CHD9: variants seen among roughly 807,000 people sequenced by gnomAD.
The protein encoded by CHD9 is chromodomain helicase DNA binding protein 9.
A neutral mutation model predicts 316.1 loss-of-function variants in CHD9; 77 were observed. That is an observed-to-expected ratio of 0.24 (90% CI 0.20 to 0.29). The LOEUF (loss-of-function observed/expected upper bound fraction) is 0.29, where lower values mean the gene tolerates loss of function less well. Among genes scored for constraint, CHD9 ranks in the 10% least tolerant of loss-of-function variants. The probability of loss-of-function intolerance (pLI) is 1.00; values close to 1 mark genes in which losing one functional copy is unlikely to be tolerated. For missense variants in CHD9, 2,763 were observed against 3,438.1 expected (o/e 0.80, Z 4.91); for synonymous variants, 1,129 against 1,158.3 (o/e 0.97, Z 0.51).
chr16:53,119,200 A>G (rs1454756488), intron 1 of CHD9, among the ~76,000 whole-genome samples: 2 of 152,202 alleles, frequency 1.3e-5, no homozygotes, highest in African/African-American at 4.8e-5. Context: ...ATGGTATCAC[A>G]TATGTCCAAA....
chr16:53,107,634 A>G (rs1475225590), intron 1 of CHD9, among the ~76,000 whole-genome samples: 1 of 151,800 alleles, frequency 6.6e-6, no homozygotes, highest in Non-Finnish European at 1.5e-5. Context: ...GTGAGCCATG[A>G]TGGCACCACT....
rs780734488 is a variant in CHD9, at chr16:53,307,791, C to T, written c.6891C>T (p.Thr2297=). The T allele has an allele frequency of 6.8e-6, 11 of 1,613,242 alleles. No homozygotes were observed. Among genetic ancestry groups the T allele is most frequent in the Admixed American group, 1.7e-5 (1 of 59,904 alleles). ...YDANTVASFY[T]TKLLDSPGAA... ...CTAACACAGTGGCTTCTTTCTATACCACAAAACTGCTGGACAGCCCTGGAG... is the reference window on the plus strand; with the variant it reads ...CTAACACAGTGGCTTCTTTCTATACTACAAAACTGCTGGACAGCCCTGGAG... Residue 2297 remains threonine (T), a synonymous_variant, in exon 33 of 39, where the codon ACC becomes ACT. Transcript: ENST00000447540.
At chr16:53,306,796 T>G (rs1439049134) in intron 32 of CHD9, among the ~76,000 whole-genome samples, 1 of 151,722 alleles carries the variant, frequency 6.6e-6, no homozygotes, top group African/African-American at 2.4e-5. Flanking sequence ...TTTTCTTCCT[T>G]TTTTTTTGAG....
intron 24 of CHD9, among the ~76,000 whole-genome samples, chr16:53,279,104 C>G (rs2053158092): frequency 6.6e-6 from 1 of 152,124 alleles, no homozygotes; most frequent in African/African-American, 2.4e-5. Flanking sequence ...GACTTGGAAC[C>G]AACCCAAATG....
chr16:53,294,721 G>C (rs1293519395), intron 29 of CHD9, among the ~76,000 whole-genome samples: 3 of 152,192 alleles, frequency 2.0e-5, no homozygotes, highest in African/African-American at 7.2e-5. Context: ...AAGCCACAAG[G>C]CCAGCCCAGA....
chr16:53,063,762 A>G (rs1000306682), intron 1 of CHD9, among the ~76,000 whole-genome samples: 1 of 146,880 alleles, frequency 6.8e-6, no homozygotes, highest in African/African-American at 2.6e-5. Context: ...CAATCTCCTG[A>G]CCTCGTGACC....
intron 2 of CHD9, among the ~76,000 whole-genome samples, chr16:53,169,602 C>A (rs916051466): frequency 4.6e-5 from 7 of 152,050 alleles, no homozygotes; most frequent in African/African-American, 1.7e-4. Flanking sequence ...GCCACATTTG[C>A]TTTCTCTTAC....
At chr16:53,163,381 T>C (rs530163729) in intron 2 of CHD9, among the ~76,000 whole-genome samples, 151 of 152,270 alleles carry the variant, frequency 9.9e-4, no homozygotes, top group African/African-American at 3.5e-3. Flanking sequence ...CGGCTAATTT[T>C]GTATTTTTAG....
intron 8 of CHD9, among the ~76,000 whole-genome samples, chr16:53,230,583 G>C (rs748735724): frequency 6.6e-6 from 1 of 152,122 alleles, no homozygotes; most frequent in African/African-American, 2.4e-5. Context: ...GAAGATTTTA[G>C]AATTAAGTAA....
intron 2 of CHD9, among the ~76,000 whole-genome samples, chr16:53,197,513 T>C (rs540063233): frequency 1.3e-5 from 2 of 152,300 alleles, no homozygotes; most frequent in South Asian, 4.1e-4. Context: ...GACTCTATTA[T>C]GCTGTTATGG....
At chr16:53,207,786 A>AT (rs57021341) in intron 2 of CHD9, among the ~76,000 whole-genome samples, 4,614 of 148,106 alleles carry the variant, frequency 0.031, 86 homozygotes, top group Middle Eastern at 0.072. Flanking sequence ...TTCTCAGGTG[A>AT]TTTTTTTTTT....
chr16:53,063,403 A>C (rs1038314316), intron 1 of CHD9, among the ~76,000 whole-genome samples: 7 of 121,284 alleles, frequency 5.8e-5, no homozygotes, highest in Non-Finnish European at 1.1e-4. Flanking sequence ...CACACACACA[A>C]AATGTGAAGG....
chr16:53,138,241 A>G (rs17302113), intron 1 of CHD9, among the ~76,000 whole-genome samples: 36,507 of 152,110 alleles, frequency 0.24, 4,717 homozygotes, highest in Middle Eastern at 0.32. Flanking sequence ...ATTGGGCTTT[A>G]TATCTTTATT....
intron 1 of CHD9, among the ~76,000 whole-genome samples, chr16:53,070,965 T>C (rs1282040088): frequency 6.6e-6 from 1 of 152,204 alleles, no homozygotes; most frequent in Admixed American, 6.5e-5. Context: ...CATGATTATT[T>C]TGGCTATTTG....
rs531358036 is a variant in CHD9, at chr16:53,119,078, C to T, written c.-164-36848C>T. On this transcript the variant is annotated intron_variant, in intron 1 of 38. Coordinates refer to ENST00000447540, the MANE Select transcript of CHD9 (RefSeq NM_001308319.2). ...AAGTGTTGGGATTACAGACATGAGCCACCATGCCTGGCCTAAGGTAAACTT... is the reference window on the plus strand; with the variant it reads ...AAGTGTTGGGATTACAGACATGAGCTACCATGCCTGGCCTAAGGTAAACTT... Among the ~76,000 whole-genome samples, 18 of 152,148 alleles carry T rather than the reference C, an allele frequency of 1.2e-4. No homozygotes were observed. The East Asian group carries it at 3.5e-3, about 29-fold the overall frequency.
At chr16:53,174,750 A>G (rs929728416) in intron 2 of CHD9, among the ~76,000 whole-genome samples, 2 of 152,132 alleles carry the variant, frequency 1.3e-5, no homozygotes, top group Middle Eastern at 3.2e-3. Context: ...TTGGGACCAC[A>G]GGCACGTGCC....
rs547477243 is a variant in CHD9, at chr16:53,193,037, TA to T, written c.1453-16438del. Reference sequence around the variant, plus strand: ...ATATGTTGAGTGTATGTTGAACTTATAAAAAAATACTAAACTGTTGTCCAAA... The same window carrying T: ...ATATGTTGAGTGTATGTTGAACTTATAAAAAATACTAAACTGTTGTCCAAA... On this transcript the variant is annotated intron_variant, in intron 2 of 38. Coordinates refer to ENST00000447540, the MANE Select transcript of CHD9 (RefSeq NM_001308319.2). Among the ~76,000 whole-genome samples the T allele has an allele frequency of 9.4e-3, 1,417 of 151,384 alleles. 22 individuals are homozygous for T. Among genetic ancestry groups the T allele is most frequent in the African/African-American group, 0.033 (1,352 of 41,220 alleles).
intron 2 of CHD9, among the ~76,000 whole-genome samples, chr16:53,162,695 CT>C (rs1191587514): frequency 6.6e-6 from 1 of 150,874 alleles, no homozygotes; most frequent in Non-Finnish European, 1.5e-5. Flanking sequence ...ATTATTATTT[CT>C]TTTCCTGAAG....
chr16:53,211,862 C>G (rs1367585778), intron 3 of CHD9, among the ~76,000 whole-genome samples: 1 of 152,060 alleles, frequency 6.6e-6, no homozygotes, highest in Non-Finnish European at 1.5e-5. Flanking sequence ...ACTGTGCTTT[C>G]CAATAAGCCA....
Sources: gnomAD v4.1 joint callset for allele counts (sites outside exome capture counted in the v4.1 genomes callset) on GRCh38, gnomAD v4.1.1 for gene constraint, MANE v1.5 for transcripts, NCBI Gene and HGNC (gene_info 2026-07-23, HGNC 2026-07-21) for gene names.